PSKH2: variants seen among roughly 807,000 people sequenced by gnomAD.
PSKH2 encodes the protein serine/threonine-protein kinase H2.
PSKH2 carries 16 observed loss-of-function variants against 22.5 expected under a neutral mutation model. That is an observed-to-expected ratio of 0.71 (90% CI 0.48 to 1.08). The LOEUF is 1.08. Ranked by LOEUF, PSKH2 falls within the 50% of genes least tolerant of loss-of-function variation. The pLI is 0.00. For synonymous variants in PSKH2, 188 were observed against 184.8 expected (o/e 1.02, Z -0.14); for missense variants, 516 against 492.8 (o/e 1.05, Z -0.44).
chr8:86,063,300 T>G (rs1186778083), intron 2 of PSKH2, among the ~76,000 whole-genome samples: 1 of 152,206 alleles, frequency 6.6e-6, no homozygotes, highest in Non-Finnish European at 1.5e-5. Flanking sequence ...ATAAATTTGC[T>G]CATCTGCTGT....
At chr8:86,054,762 T>C (rs1186012686) in intron 2 of PSKH2, among the ~76,000 whole-genome samples, 1 of 152,182 alleles carries the variant, frequency 6.6e-6, no homozygotes, top group Non-Finnish European at 1.5e-5. Flanking sequence ...TAATTAATCT[T>C]ACACTAGGCT....
Position 86,049,727 on chromosome 8 carries a change from AAAGAAAGAAAGAAAGAAAGAAACGAAAG to A in PSKH2, c.853-988_853-961del, listed in dbSNP as rs1817593545. On this transcript the variant is annotated intron_variant, in intron 2 of 2. Coordinates refer to ENST00000276616, the MANE Select transcript of PSKH2 (RefSeq NM_033126.3). ...GAAAGAAAGAAAGAAAGAAAGAAAG[AAAGAAAGAAAGAAAGAAAGAAACGAAAG>A]AAAGAAAGAAAGAGAAAAGAAAGAA... is the stretch of plus-strand genomic sequence containing the variant. Among the ~76,000 whole-genome samples the A allele has an allele frequency of 1.1e-4, 7 of 63,020 alleles. No individual in the cohort carries two copies. In the South Asian group the frequency reaches 4.8e-3, roughly 43 times the overall value. 41.3% of individuals were successfully genotyped at this position (63,020 alleles called of 152,430 possible).
chr8:86,057,873 T>A (rs569306473), intron 2 of PSKH2, among the ~76,000 whole-genome samples: 1 of 152,188 alleles, frequency 6.6e-6, no homozygotes, highest in Admixed American at 6.5e-5. Flanking sequence ...CCATTGCCCC[T>A]GTGAACTTTG....
rs1280601948 is a variant in PSKH2 at position 86,064,165 on chromosome 8, T to C, written c.652A>G (p.Thr218Ala). The part of the protein sequence containing the change: ...AYSGKKSGDW[T>A]MKTLCGTPEY... ...GGGGTCCCACAGAGTGTCTTCATTG[T>C]CCAGTCACCACTTTTTTTCCCGGAG... Residue 218 changes from threonine to alanine, a missense_variant, in exon 2 of 3, where the codon ACA (threonine) becomes GCA (alanine). By Grantham distance (58) the Thr-to-Ala change is moderately conservative. Transcript: ENST00000276616. 6.2e-7 allele frequency: 1 copy of C among 1,614,060 alleles called. No homozygotes were observed. Among genetic ancestry groups the C allele is most frequent in the Non-Finnish European group, 8.5e-7 (1 of 1,180,046 alleles).
chr8:86,068,122 A>G (rs1817890745), intron 1 of PSKH2, among the ~76,000 whole-genome samples: 1 of 152,210 alleles, frequency 6.6e-6, no homozygotes, highest in Non-Finnish European at 1.5e-5. Flanking sequence ...GATTCAGTTC[A>G]GTCATATTAG....
intron 2 of PSKH2, among the ~76,000 whole-genome samples, chr8:86,055,621 C>A (rs958099): frequency 0.85 from 129,728 of 152,224 alleles, 55,556 homozygotes; most frequent in African/African-American, 0.91. Context: ...ACAGGAATTA[C>A]AGCTTAGCAG....
chr8:86,055,273 C>A (rs1817685536), intron 2 of PSKH2, among the ~76,000 whole-genome samples: 1 of 152,114 alleles, frequency 6.6e-6, no homozygotes, highest in African/African-American at 2.4e-5. Flanking sequence ...AAGCAGATAG[C>A]ATAGCTACGT....
At chr8:86,051,269 G>A (rs1322118476) in intron 2 of PSKH2, among the ~76,000 whole-genome samples, 2 of 151,804 alleles carry the variant, frequency 1.3e-5, no homozygotes, top group Non-Finnish European at 2.9e-5. Flanking sequence ...TTGCATTTTT[G>A]TAGAAACCGG....
At chr8:86,049,740 AAGAAAG>A (rs1238257099) in intron 2 of PSKH2, among the ~76,000 whole-genome samples, 12 of 22,228 alleles carry the variant, frequency 5.4e-4, no homozygotes, top group Non-Finnish European at 8.3e-4. Context: ...GAAAGAAAGA[AAGAAAG>A]AAACGAAAGA....
Position 86,048,703 on chromosome 8 carries a change from C to A in PSKH2, c.917G>T (p.Gly306Val). The A allele has an allele frequency of 1.9e-6, 3 of 1,614,034 alleles. No homozygotes were observed. Among genetic ancestry groups the A allele is most frequent in the South Asian group, 1.1e-5 (1 of 91,074 alleles). ...FIDKLLILEA[G>V]HRMSAGQALD... ...GGCCTGGCCAGCTGACATGCGATGA[C>A]CAGCCTCCAAAATCAGTAGTTTGTC... is the stretch of plus-strand genomic sequence containing the variant. Residue 306 changes from glycine (G) to valine (V), a missense_variant, in exon 3 of 3, where the codon GGT becomes GTT. Physicochemically the swap from Gly to Val is moderately radical, Grantham distance 109. Transcript: ENST00000276616.
chr8:86,057,338 G>GT (rs1008797644), intron 2 of PSKH2, among the ~76,000 whole-genome samples: 1 of 147,088 alleles, frequency 6.8e-6, no homozygotes, highest in South Asian at 2.1e-4. Flanking sequence ...GAGCTCTAAA[G>GT]TTTTTTTTTG....
intron 2 of PSKH2, among the ~76,000 whole-genome samples, chr8:86,049,725 AGAAAGAAAGAAAGAAAGAAAGAAAC>A (rs1432461748): frequency 0.023 from 1,443 of 63,878 alleles, 94 homozygotes; most frequent in Middle Eastern, 0.05. Context: ...AAAGAAAGAA[AGAAAGAAAGAAAGAAAGAAAGAAAC>A]GAAAGAAAGA....
intron 2 of PSKH2, among the ~76,000 whole-genome samples, chr8:86,058,074 A>G (rs543263897): frequency 6.6e-6 from 1 of 152,302 alleles, no homozygotes; most frequent in African/African-American, 2.4e-5. Flanking sequence ...GGTCTCCATA[A>G]TGAGTCCTTT....
intron 2 of PSKH2, among the ~76,000 whole-genome samples, chr8:86,052,372 C>A (rs1817644368): frequency 6.6e-6 from 1 of 152,202 alleles, no homozygotes; most frequent in African/African-American, 2.4e-5. Flanking sequence ...GCTAACCCAT[C>A]TTACTGTGGA....
At chr8:86,061,407 G>A (rs1817775984) in intron 2 of PSKH2, among the ~76,000 whole-genome samples, 1 of 151,866 alleles carries the variant, frequency 6.6e-6, no homozygotes, top group East Asian at 1.9e-4. Context: ...TCCAAATATG[G>A]CCCAAATGGA....
At chr8:86,049,385 C>A (rs1817577602) in intron 2 of PSKH2, among the ~76,000 whole-genome samples, 1 of 151,896 alleles carries the variant, frequency 6.6e-6, no homozygotes, top group African/African-American at 2.4e-5. Context: ...ACAGCAAAAC[C>A]CCATCTCTAC....
intron 2 of PSKH2, 142 bp from the exon 3 acceptor site, chr8:86,048,909 T>C (rs1040850233): frequency 6.1e-6 from 4 of 650,946 alleles, no homozygotes; most frequent in African/African-American, 5.4e-5. Flanking sequence ...TAATACTGTG[T>C]CATTACATAT....
chr8:86,064,684 A>T, intron 1 of PSKH2, 53 bp from the exon 2 acceptor site: 1 of 1,381,918 alleles, frequency 7.2e-7, no homozygotes, highest in Non-Finnish European at 1.0e-6. Flanking sequence ...GATTCTCAAA[A>T]TTATTTAAGT....
At chr8:86,049,738 GAAAGAAAGAAAC>G (rs1434811610) in intron 2 of PSKH2, among the ~76,000 whole-genome samples, 4,620 of 35,398 alleles carry the variant, frequency 0.13, 495 homozygotes, top group Non-Finnish European at 0.16. Context: ...AAGAAAGAAA[GAAAGAAAGAAAC>G]GAAAGAAAGA....
Sources: gnomAD v4.1 joint callset for allele counts (sites outside exome capture counted in the v4.1 genomes callset) on GRCh38, gnomAD v4.1.1 for gene constraint, MANE v1.5 for transcripts, NCBI Gene and HGNC (gene_info 2026-07-23, HGNC 2026-07-21) for gene names.